The following DLGAP1 variants were observed in gnomAD, a reference collection of about 807,000 sequenced individuals.
DLGAP1 encodes the protein disks large-associated protein 1.
Under a neutral mutation model 90.8 loss-of-function variants are expected in DLGAP1, and 11 were observed. The ratio of observed to expected loss-of-function variants is 0.12; its 90% CI spans 0.08 to 0.20. The LOEUF is 0.20. Among genes scored for constraint, DLGAP1 ranks in the 10% least tolerant of loss-of-function variants. The probability of loss-of-function intolerance (pLI) is 1.00; values close to 1 mark genes in which losing one functional copy is unlikely to be tolerated. For missense variants in DLGAP1, 1,050 were observed against 1,333.8 expected, an observed-to-expected ratio of 0.79 and a Z score of 3.31; for synonymous variants, 558 against 540.7, an observed-to-expected ratio of 1.03 and a Z score of -0.44.
chr18:3,771,074 A>G (rs2064508948), intron 5 of DLGAP1: 1 of 152,236 alleles, frequency 6.6e-6, no homozygotes, highest in South Asian at 2.1e-4. Context: ...CTTTCTGGTC[A>G]AAATGTACTC....
At chr18:3,893,014 A>T (rs2071516248) in intron 3 of DLGAP1, among the ~76,000 whole-genome samples, 1 of 151,690 alleles carries the variant, frequency 6.6e-6, no homozygotes. Flanking sequence ...TCCCCCAAAA[A>T]GTGTACATTG....
At chr18:3,981,366 C>T (rs2073724554) in intron 3 of DLGAP1, among the ~76,000 whole-genome samples, 1 of 152,380 alleles carries the variant, frequency 6.6e-6, no homozygotes, top group Admixed American at 6.5e-5. Flanking sequence ...TGATGCTGCA[C>T]TCTTGAGGCT....
intron 4 of DLGAP1, among the ~76,000 whole-genome samples, chr18:3,817,161 C>T (rs937102819): frequency 6.6e-6 from 1 of 152,164 alleles, no homozygotes; most frequent in Non-Finnish European, 1.5e-5. Context: ...ATTTCTCAAT[C>T]CTGATGTGAA....
At chr18:3,965,425 T>A (rs1327513407) in intron 3 of DLGAP1, among the ~76,000 whole-genome samples, 1 of 152,178 alleles carries the variant, frequency 6.6e-6, no homozygotes, top group Non-Finnish European at 1.5e-5. Flanking sequence ...AGCCATCTGT[T>A]TTTGGAAATT....
intron 1 of DLGAP1, among the ~76,000 whole-genome samples, chr18:4,193,013 C>T (rs1409822994): frequency 6.6e-6 from 1 of 152,196 alleles, no homozygotes; most frequent in African/African-American, 2.4e-5. Context: ...GATTTTCATA[C>T]CTTTCTTTAT....
At position 3,556,446 on chromosome 18, in the gene DLGAP1, A is replaced by G. The variant is rs117376607; in HGVS notation, c.2057+11044T>C. ...ACCTCCTTCCTCCTAACCCCTGGCA[A>G]CTAGTCATCTTTTTACTGTCTCGTT... On this transcript the variant is annotated intron_variant, in intron 9 of 12. Coordinates refer to ENST00000315677, the MANE Select transcript of DLGAP1 (RefSeq NM_004746.4). 6.6e-4 allele frequency among the ~76,000 whole-genome samples: 101 copies of G among 152,328 alleles called. 2 individuals carry two copies. The East Asian group carries it at 0.018, about 26-fold the overall frequency.
Position 4,232,429 on chromosome 18 carries a change from T to C in DLGAP1, c.-266-81142A>G, listed in dbSNP as rs200379490. ...TAAATGGTTAGACTTGTTTTCTCGA[T>C]AATGAACTTTTTGCAACTAAACAGC... On this transcript the variant is annotated intron_variant, in intron 1 of 12. Coordinates refer to ENST00000315677, the MANE Select transcript of DLGAP1 (RefSeq NM_004746.4). Among the ~76,000 whole-genome samples, 16 of 152,190 alleles carry C rather than the reference T, an allele frequency of 1.1e-4. No homozygotes were observed. The East Asian group carries it at 3.1e-3, about 29-fold the overall frequency.
chr18:4,224,210 G>A (rs1312462772), intron 1 of DLGAP1, among the ~76,000 whole-genome samples: 1 of 152,212 alleles, frequency 6.6e-6, no homozygotes, highest in Non-Finnish European at 1.5e-5. Context: ...CACACTGTGG[G>A]CAACCACACT....
chr18:3,662,117 A>T (rs1009210071), intron 7 of DLGAP1, among the ~76,000 whole-genome samples: 7 of 152,184 alleles, frequency 4.6e-5, no homozygotes, highest in Non-Finnish European at 7.3e-5. Context: ...AATTTTTTTT[A>T]AAGCTACACA....
At chr18:4,365,389 TG>T (rs897167833) in intron 1 of DLGAP1, among the ~76,000 whole-genome samples, 3 of 152,130 alleles carry the variant, frequency 2.0e-5, no homozygotes, top group African/African-American at 7.2e-5. Flanking sequence ...GATTACTGGT[TG>T]CCTAGGGCTT....
intron 1 of DLGAP1, among the ~76,000 whole-genome samples, chr18:4,292,375 C>G (rs1363947035): frequency 6.6e-6 from 1 of 151,936 alleles, no homozygotes; most frequent in Non-Finnish European, 1.5e-5. Flanking sequence ...GTTGCCACAG[C>G]TACCAAGTTT....
rs184642940 is a variant in DLGAP1, at chr18:3,934,413, T to C, written c.-72-54273A>G. 7.2e-5 allele frequency among the ~76,000 whole-genome samples: 11 copies of C among 152,124 alleles called. No individual in the cohort carries two copies. The East Asian group carries it at 2.1e-3, about 29-fold the overall frequency. ...ATTCCTCCACTCACTCAACAAATGTTTAAATATCTAGGGGCATCTGCTATA... is the reference window on the plus strand; with the variant it reads ...ATTCCTCCACTCACTCAACAAATGTCTAAATATCTAGGGGCATCTGCTATA... On this transcript the variant is annotated intron_variant, in intron 3 of 12. Transcript: ENST00000315677.
intron 4 of DLGAP1, among the ~76,000 whole-genome samples, chr18:3,844,147 A>G (rs557569869): frequency 7.2e-5 from 11 of 152,326 alleles, no homozygotes; most frequent in Middle Eastern, 3.4e-3. Flanking sequence ...GACAGTAGGA[A>G]TAGGAGGAAC....
intron 10 of DLGAP1, among the ~76,000 whole-genome samples, chr18:3,513,337 G>A (rs2050652111): frequency 6.6e-6 from 1 of 152,184 alleles, no homozygotes; most frequent in Admixed American, 6.5e-5. Flanking sequence ...GTCCAGGCTG[G>A]AGGACAGTGG....
intron 2 of DLGAP1, chr18:4,013,831 A>G (rs2074472617): frequency 6.6e-6 from 1 of 152,208 alleles, no homozygotes; most frequent in Admixed American, 6.5e-5. Flanking sequence ...TGAGTAATCT[A>G]TTCTCTGAAT....
rs532480887 is a variant in DLGAP1, at chr18:4,091,551, T to C, written c.-159+59629A>G. Reference sequence around the variant, plus strand: ...TGTTTAACAGCTCTTCAATACTCTGTTCTGTCTTCATCTCCTTTTTTACTC... The same window carrying C: ...TGTTTAACAGCTCTTCAATACTCTGCTCTGTCTTCATCTCCTTTTTTACTC... On this transcript the variant is annotated intron_variant, in intron 2 of 12. Transcript: ENST00000315677. 1.7e-4 allele frequency among the ~76,000 whole-genome samples: 26 copies of C among 152,348 alleles called. No homozygotes were observed. The South Asian group carries it at 5.4e-3, about 32-fold the overall frequency.
At chr18:4,392,234 T>C (rs2082354760) in intron 1 of DLGAP1, among the ~76,000 whole-genome samples, 1 of 152,174 alleles carries the variant, frequency 6.6e-6, no homozygotes, top group South Asian at 2.1e-4. Flanking sequence ...GATTCATGGA[T>C]AGAGACCTCC....
intron 3 of DLGAP1, among the ~76,000 whole-genome samples, chr18:3,980,915 C>G (rs1366258206): frequency 6.6e-6 from 1 of 152,186 alleles, no homozygotes; most frequent in Non-Finnish European, 1.5e-5. Context: ...ACTCTTGTAG[C>G]AATTTTCAAG....
chr18:3,697,721 C>T (rs2061142848), intron 7 of DLGAP1, among the ~76,000 whole-genome samples: 1 of 151,008 alleles, frequency 6.6e-6, no homozygotes, highest in African/African-American at 2.4e-5. Flanking sequence ...TCCTAATAGA[C>T]CAAGTCCTGA....
Sources: gnomAD v4.1 joint callset for allele counts (sites outside exome capture counted in the v4.1 genomes callset) on GRCh38, gnomAD v4.1.1 for gene constraint, MANE v1.5 for transcripts, NCBI Gene and HGNC (gene_info 2026-07-23, HGNC 2026-07-21) for gene names.